The following EIF2S3B variants were observed in gnomAD, a reference collection of about 807,000 sequenced individuals.
The protein encoded by EIF2S3B is eukaryotic translation initiation factor 2 subunit 3B.
In EIF2S3B, 16 loss-of-function variants were observed where a neutral mutation model predicts 26.4. The ratio of observed to expected loss-of-function variants is 0.61; its 90% CI spans 0.41 to 0.92. The LOEUF (loss-of-function observed/expected upper bound fraction) is 0.92. EIF2S3B is among the 40% of genes least tolerant of loss of function. The pLI, the probability that EIF2S3B is intolerant of heterozygous loss-of-function variation, is 0.00. For synonymous variants in EIF2S3B, 183 were observed against 204.4 expected, an observed-to-expected ratio of 0.90 and a Z score of 0.89; for missense variants, 510 against 575.5, an observed-to-expected ratio of 0.89 and a Z score of 1.16.
At chr12:10,510,263 C>T (rs1436299585), downstream of EIF2S3B, among the ~76,000 whole-genome samples, 1 of 152,108 alleles carries the variant, frequency 6.6e-6, no homozygotes, top group African/African-American at 2.4e-5. Flanking sequence ...GGTAAATGTG[C>T]ACCAGTACTA....
intron 1 of EIF2S3B, among the ~76,000 whole-genome samples, chr12:10,518,908 CAT>C (rs965181153): frequency 1.3e-5 from 2 of 152,122 alleles, no homozygotes; most frequent in Non-Finnish European, 2.9e-5. Flanking sequence ...TAGGAAGAAT[CAT>C]ATCGTAAAAA....
chr12:10,506,883 T>C lies in EIF2S3B; in HGVS notation c.981T>C (p.Asp327=). Residue 327 remains aspartate (D), a synonymous_variant, in exon 1 of 1, where the codon GAT becomes GAC. Transcript: ENST00000538173. The part of the protein sequence containing the change: ...KIVSLFAEHN[D]LQYAAPGGLI... ...TTTCACTTTTTGCGGAGCATAATGA[T>C]CTGCAATATGCTGCTCCAGGCGGTC... The C allele has an allele frequency of 1.4e-5, 23 of 1,613,642 alleles. No homozygotes were observed. The highest frequency in any genetic ancestry group is 1.9e-5 in the Non-Finnish European group (22 of 1,179,506).
intron 1 of EIF2S3B, among the ~76,000 whole-genome samples, chr12:10,521,078 A>G (rs1008581783): frequency 2.0e-5 from 3 of 152,198 alleles, no homozygotes; most frequent in Non-Finnish European, 2.9e-5. Context: ...CCAGATGTAT[A>G]TCTTCTCTTG....
At position 10,522,700 on chromosome 12, in the gene EIF2S3B, T is replaced by C. The variant is rs1006893739; in HGVS notation, c.*5T>C. 12 of 685,760 alleles carry C rather than the reference T, an allele frequency of 1.7e-5. No individual in the cohort carries two copies. The African/African-American group carries it at 1.9e-4, about 11-fold the overall frequency. The allele number at this position is 685,760 out of a possible 1,614,324, so 42.5% of individuals were successfully genotyped here. On this transcript the variant is annotated 3_prime_UTR_variant, in exon 2 of 2. Coordinates refer to the EIF2S3B transcript ENST00000322446. Reference sequence around the variant, plus strand: ...AAGTCTGCAGCAAACTTCTAGGAAATCATTTCTTTCTTTAAAGAAAAAAGA... The same window carrying C: ...AAGTCTGCAGCAAACTTCTAGGAAACCATTTCTTTCTTTAAAGAAAAAAGA...
intron 1 of EIF2S3B, among the ~76,000 whole-genome samples, chr12:10,517,840 C>A (rs1272413505): frequency 6.6e-6 from 1 of 152,088 alleles, no homozygotes. Flanking sequence ...CAAAGAACAT[C>A]TTTATTTCTG....
chr12:10,508,014 G>C lies in EIF2S3B; in HGVS notation c.*693G>C, dbSNP rs1864663850. On this transcript the variant is annotated 3_prime_UTR_variant, in exon 1 of 1. Transcript: ENST00000538173. ...CATGATTCGTCTTTGAGTACCTCCA[G>C]GCTGAAGGACTGTTGTACCAGTAAA... is the stretch of plus-strand genomic sequence containing the variant. Among the ~76,000 whole-genome samples the C allele has an allele frequency of 6.6e-6, 1 of 152,086 alleles. No individual in the cohort carries two copies. The highest frequency in any genetic ancestry group is 1.5e-5 in the Non-Finnish European group (1 of 68,002).
downstream of EIF2S3B, among the ~76,000 whole-genome samples, chr12:10,509,324 A>G (rs1314123106): frequency 6.6e-6 from 1 of 152,056 alleles, no homozygotes; most frequent in Non-Finnish European, 1.5e-5. Context: ...TAAGAGTATT[A>G]TCTTACTGTC....
At chr12:10,521,908 T>C (rs905839920) in intron 1 of EIF2S3B, among the ~76,000 whole-genome samples, 1 of 152,212 alleles carries the variant, frequency 6.6e-6, no homozygotes, top group African/African-American at 2.4e-5. Flanking sequence ...GCAGTTCTAA[T>C]CCTTGGTATG....
chr12:10,505,967 C>T lies in EIF2S3B; in HGVS notation c.65C>T (p.Thr22Ile), dbSNP rs1565525674. 1 of 1,605,330 alleles carries T rather than the reference C, an allele frequency of 6.2e-7. No homozygotes were observed. The highest frequency in any genetic ancestry group is 8.5e-7 in the Non-Finnish European group (1 of 1,171,948). Residue 22 changes from threonine to isoleucine, a missense_variant, in exon 1 of 1, where the codon ACC becomes ATC. Thr to Ile is a moderately conservative substitution (Grantham distance 89, BLOSUM62 -1). Transcript: ENST00000538173. ...QPHLSRQDLT[T>I]LDVTKLTPLS... ...CACCTTTCGCGTCAGGATCTCACCA[C>T]CTTGGATGTTACCAAGTTGACGCCA...
At chr12:10,515,909 G>GTA (rs199771544) in intron 1 of EIF2S3B, among the ~76,000 whole-genome samples, 3 of 150,296 alleles carry the variant, frequency 2.0e-5, no homozygotes, top group Non-Finnish European at 3.0e-5. Flanking sequence ...ATTTATACTA[G>GTA]TATATATATA....
downstream of EIF2S3B, among the ~76,000 whole-genome samples, chr12:10,511,542 C>G (rs2137946688): frequency 6.6e-6 from 1 of 152,060 alleles, no homozygotes; most frequent in East Asian, 1.9e-4. Flanking sequence ...TTTGAAGTGT[C>G]AGAACATAAA....
At chr12:10,515,538 AG>A (rs1864746340) in intron 1 of EIF2S3B, among the ~76,000 whole-genome samples, 1 of 152,066 alleles carries the variant, frequency 6.6e-6, no homozygotes, top group Non-Finnish European at 1.5e-5. Context: ...GGTATATTTC[AG>A]TTTATTACCC....
At chr12:10,517,895 T>C (rs1178241532) in intron 1 of EIF2S3B, among the ~76,000 whole-genome samples, 2 of 152,050 alleles carry the variant, frequency 1.3e-5, no homozygotes, top group Non-Finnish European at 2.9e-5. Flanking sequence ...GAGCAGGTTG[T>C]TCAGTTTCCA....
intron 1 of EIF2S3B, among the ~76,000 whole-genome samples, chr12:10,518,079 T>C (rs1341106754): frequency 6.6e-6 from 1 of 152,090 alleles, no homozygotes; most frequent in Non-Finnish European, 1.5e-5. Context: ...GAAAAAAATG[T>C]ATATTCTGTT....
In EIF2S3B at chr12:10,507,580, T is replaced by C; in HGVS notation, c.*259T>C. ...AAGCATTCCCACATAATGTCAAAAT[T>C]ATACATTATGCAGTTTTTTTGTTTG... On this transcript the variant is annotated 3_prime_UTR_variant, in exon 1 of 1. Coordinates refer to ENST00000538173, the MANE Select transcript of EIF2S3B (RefSeq NM_001357734.3). 1.7e-6 allele frequency: 1 copy of C among 577,454 alleles called. No individual in the cohort carries two copies. The highest frequency in any genetic ancestry group is 3.0e-6 in the Non-Finnish European group (1 of 328,578). The allele number at this position is 577,454 out of a possible 1,614,324, so 35.8% of individuals were successfully genotyped here.
chr12:10,508,452 A>G lies in EIF2S3B; in HGVS notation c.*1131A>G, dbSNP rs1230804695. 1.4e-5 allele frequency among the ~76,000 whole-genome samples: 2 copies of G among 143,668 alleles called. No homozygotes were observed. The highest frequency in any genetic ancestry group is 3.0e-5 in the Non-Finnish European group (2 of 66,112). The allele number at this position is 143,668 out of a possible 152,430, so 94.3% of individuals were successfully genotyped here. ...TATGTTTTTTCTTAACTGTTATATG[A>G]TTGTGACACAGATTATAATATTACT... On this transcript the variant is annotated 3_prime_UTR_variant, in exon 1 of 1. Transcript: ENST00000538173.
At chr12:10,509,873 ATTT>A (rs1432145829), downstream of EIF2S3B, among the ~76,000 whole-genome samples, 1 of 152,052 alleles carries the variant, frequency 6.6e-6, no homozygotes, top group Non-Finnish European at 1.5e-5. Context: ...TCACACATAG[ATTT>A]TATGGGCACA....
Position 10,507,641 on chromosome 12 carries a change from A to AC in EIF2S3B, c.*322dup. ...TTTTGTTTTTGAGTCTGGCTTTGTCACCTAGGCTGGCATGTAGTGGCATGA... is the reference window on the plus strand; with the variant it reads ...TTTTGTTTTTGAGTCTGGCTTTGTCACCCTAGGCTGGCATGTAGTGGCATGA... On this transcript the variant is annotated 3_prime_UTR_variant, in exon 1 of 1. Transcript: ENST00000538173. 2.3e-6 allele frequency: 1 copy of AC among 437,446 alleles called. No homozygotes were observed. The highest frequency in any genetic ancestry group is 2.0e-5 in the African/African-American group (1 of 50,306). The allele number at this position is 437,446 out of a possible 1,614,324, so 27.1% of individuals were successfully genotyped here. A position where few individuals can be genotyped will look rare whatever the true frequency, so the allele number is the denominator to read the frequency against.
chr12:10,515,276 CTAGCAG>C (rs992270740), intron 1 of EIF2S3B, among the ~76,000 whole-genome samples: 14 of 151,884 alleles, frequency 9.2e-5, no homozygotes, highest in African/African-American at 2.4e-5. Flanking sequence ...GATTACAGCA[CTAGCAG>C]TATTTTATAT....
Sources: gnomAD v4.1 joint callset for allele counts (sites outside exome capture counted in the v4.1 genomes callset) on GRCh38, gnomAD v4.1.1 for gene constraint, MANE v1.5 for transcripts, NCBI Gene and HGNC (gene_info 2026-07-23, HGNC 2026-07-21) for gene names.